RAPGEF1: variants seen among roughly 807,000 people sequenced by gnomAD.
The protein encoded by RAPGEF1 is CRK SH3-binding GNRP.
In RAPGEF1, 33 loss-of-function variants were observed where a neutral mutation model predicts 143.3. The observed-to-expected ratio is 0.23, with a 90% CI of 0.17 to 0.31. The LOEUF is 0.31. Ranked by LOEUF, RAPGEF1 falls within the 10% of genes least tolerant of loss-of-function variation. The probability of loss-of-function intolerance (pLI) is 1.00; values close to 1 mark genes in which losing one functional copy is unlikely to be tolerated. For synonymous variants in RAPGEF1, 629 were observed against 676.5 expected, an observed-to-expected ratio of 0.93 and a Z score of 1.09; for missense variants, 1,199 against 1,645.4, an observed-to-expected ratio of 0.73 and a Z score of 4.69.
rs1962996869 is a variant in RAPGEF1 at position 131,626,247 on chromosome 9, T to C, written c.1377A>G (p.Gly459=). ...CTGTCTGCTGCCCTGGGGCCAGAGGTCCGTCTGGCTGGGGATGGCCGCCAA... is the reference window on the plus strand; with the variant it reads ...CTGTCTGCTGCCCTGGGGCCAGAGGCCCGTCTGGCTGGGGATGGCCGCCAA... ...LPLGGHPQPD[G]PLAPGQQTDT... Residue 459 remains glycine, a synonymous_variant, in exon 10 of 27, where the codon GGA becomes GGG. Transcript: ENST00000683357. 1 of 1,613,568 alleles carries C rather than the reference T, an allele frequency of 6.2e-7. No individual in the cohort carries two copies. Among genetic ancestry groups the C allele is most frequent in the Non-Finnish European group, 8.5e-7 (1 of 1,179,774 alleles).
intron 9 of RAPGEF1, among the ~76,000 whole-genome samples, chr9:131,627,454 C>T (rs1362133098): frequency 6.6e-6 from 1 of 152,130 alleles, no homozygotes; most frequent in African/African-American, 2.4e-5. Context: ...CGAACAGCTT[C>T]CTGCTCTCTA....
At position 131,584,282 on chromosome 9, in the gene RAPGEF1, C is replaced by G. The variant is rs1475775557; in HGVS notation, c.3414+29G>C. ...CTGGGCGGCCCCCCTTACCAGCCACCCTCCCGCCCACGCCCCAAGGCCACT... is the reference window on the plus strand; with the variant it reads ...CTGGGCGGCCCCCCTTACCAGCCACGCTCCCGCCCACGCCCCAAGGCCACT... On this transcript the variant is annotated intron_variant, in intron 24 of 26. Transcript: ENST00000683357. This position sits in a 1 kb window ranked among gnomAD's most constrained non-coding sequence, Gnocchi z 6.8. 8.9e-6 allele frequency: 14 copies of G among 1,573,022 alleles called. No homozygotes were observed. The highest frequency in any genetic ancestry group is 1.0e-5 in the Non-Finnish European group (12 of 1,155,128).
rs371182529 is a variant in RAPGEF1 at position 131,650,840 on chromosome 9, G to T, written c.171C>A (p.Ser57=). The T allele has an allele frequency of 6.2e-7, 1 of 1,613,922 alleles. No individual in the cohort carries two copies. Among genetic ancestry groups the T allele is most frequent in the South Asian group, 1.1e-5 (1 of 91,072 alleles). The change falls in exon 2 of 27, where the codon TCC becomes TCA. Residue 57 remains serine (S), a synonymous_variant. Transcript: ENST00000683357. This position sits in a 1 kb window ranked among gnomAD's most constrained non-coding sequence, Gnocchi z 4.7. ...TCACAGGCTTCTCTGGAATCTTTACGGACACCTCAGCTGGTTTTCCCTTCT... is the reference window on the plus strand; with the variant it reads ...TCACAGGCTTCTCTGGAATCTTTACTGACACCTCAGCTGGTTTTCCCTTCT... ...PSKKGKPAEV[S]VKIPEKPVNK...
chr9:131,592,209 G>C (rs751185711), intron 17 of RAPGEF1, 26 bp from the exon 18 acceptor site: 1 of 1,550,568 alleles, frequency 6.4e-7, no homozygotes, highest in Admixed American at 1.7e-5. Context: ...AATGCAAACT[G>C]CTTGTCTGGG....
intron 1 of RAPGEF1, among the ~76,000 whole-genome samples, chr9:131,724,520 G>A (rs968936947): frequency 1.3e-5 from 2 of 152,066 alleles, no homozygotes; most frequent in Admixed American, 6.5e-5. Flanking sequence ...GCGTGAACCC[G>A]GGAGGCGGAG....
At chr9:131,636,086 A>G (rs1966303284) in intron 5 of RAPGEF1, among the ~76,000 whole-genome samples, 3 of 152,126 alleles carry the variant, frequency 2.0e-5, no homozygotes, top group Non-Finnish European at 4.4e-5. Context: ...GACCACCCTG[A>G]GAAAGGAAGG....
intron 13 of RAPGEF1, among the ~76,000 whole-genome samples, chr9:131,604,416 A>G (rs1956773100): frequency 6.6e-6 from 1 of 152,188 alleles, no homozygotes; most frequent in Admixed American, 6.5e-5. Flanking sequence ...TGTCTGCTCC[A>G]ATCTGCAAGG....
intron 1 of RAPGEF1, among the ~76,000 whole-genome samples, chr9:131,706,513 G>T (rs576663083): frequency 6.6e-6 from 1 of 152,030 alleles, no homozygotes; most frequent in Admixed American, 6.6e-5. Context: ...CAAGTGATCC[G>T]CCTGCCTCGG....
Position 131,709,501 on chromosome 9 carries a change from C to G in RAPGEF1, c.61+30269G>C. The G allele has an allele frequency of 6.1e-6, 5 of 823,752 alleles. No individual in the cohort carries two copies. The South Asian group carries it at 8.2e-5, about 14-fold the overall frequency. 51.0% of individuals were successfully genotyped at this position (823,752 alleles called of 1,614,324 possible). On this transcript the variant is annotated intron_variant, in intron 1 of 26. Coordinates refer to ENST00000683357, the MANE Select transcript of RAPGEF1 (RefSeq NM_001377935.1). ...TTTTCTTGAAATCATGTTGGACTACCTGTGCTTTCTGCTCTGGAAGGTGAT... is the reference window on the plus strand; with the variant it reads ...TTTTCTTGAAATCATGTTGGACTACGTGTGCTTTCTGCTCTGGAAGGTGAT...
chr9:131,721,520 C>G (rs1018283009), intron 1 of RAPGEF1, among the ~76,000 whole-genome samples: 15 of 152,320 alleles, frequency 9.8e-5, no homozygotes, highest in African/African-American at 3.4e-4. Flanking sequence ...TCCATGAGGG[C>G]AGGAGACCTG....
At chr9:131,644,149 G>A (rs1968865025) in intron 3 of RAPGEF1, among the ~76,000 whole-genome samples, 1 of 152,152 alleles carries the variant, frequency 6.6e-6, no homozygotes, top group African/African-American at 2.4e-5. Flanking sequence ...GAGAGAAAGG[G>A]AAAATACAGA....
intron 22 of RAPGEF1, among the ~76,000 whole-genome samples, chr9:131,586,191 G>A (rs1433261627): frequency 1.3e-5 from 2 of 149,540 alleles, no homozygotes; most frequent in Non-Finnish European, 3.0e-5. Flanking sequence ...GCCAGACTCC[G>A]TCTCAAACAC....
intron 5 of RAPGEF1, among the ~76,000 whole-genome samples, chr9:131,633,450 C>A (rs1175782118): frequency 6.6e-6 from 1 of 152,142 alleles, no homozygotes. Flanking sequence ...ACAAGCAGGG[C>A]AAAAGGAACA....
chr9:131,587,197 CCTGCAGAGCGAGACTCCGTCTCAA>C, intron 22 of RAPGEF1, among the ~76,000 whole-genome samples: 3 of 133,906 alleles, frequency 2.2e-5, no homozygotes, highest in Non-Finnish European at 3.2e-5. Flanking sequence ...CACACACACA[CCTGCAGAGCGAGACTCCGTCTCAA>C]ACACACACAC....
intron 1 of RAPGEF1, among the ~76,000 whole-genome samples, chr9:131,657,088 CT>C (rs1972674409): frequency 1.3e-5 from 2 of 152,248 alleles, no homozygotes; most frequent in Non-Finnish European, 2.9e-5. Context: ...GCAGCACAGG[CT>C]TCAGGTGATT....
chr9:131,649,200 A>ATTTTTTTTTTTT (rs55813422), intron 3 of RAPGEF1, among the ~76,000 whole-genome samples: 4 of 87,236 alleles, frequency 4.6e-5, no homozygotes, highest in Non-Finnish European at 6.3e-5. Context: ...GCCTGGCTAA[A>ATTTTTTTTTTTT]TTTTTTTTTT....
rs10690802 is a variant in RAPGEF1, at chr9:131,627,213, C to CAAAAAAAAAAAAAAAAAAAAAAAAA, written c.1201+675_1201+699dup. Among the ~76,000 whole-genome samples the CAAAAAAAAAAAAAAAAAAAAAAAAA allele has an allele frequency of 5.1e-5, 5 of 97,406 alleles. 1 individual carries two copies. Among genetic ancestry groups the CAAAAAAAAAAAAAAAAAAAAAAAAA allele is most frequent in the East Asian group, 7.6e-4 (2 of 2,618 alleles). The allele number at this position is 97,406 out of a possible 152,430, so 63.9% of individuals were successfully genotyped here. On this transcript the variant is annotated intron_variant, in intron 9 of 26. Transcript: ENST00000683357. The stretch of plus-strand genomic sequence containing the variant: ...TGGGTGACAGAGTGAGGCTCTGTCT[C>CAAAAAAAAAAAAAAAAAAAAAAAAA]AAAAAAAAAAAAAAAAAAAAAAAAA...
chr9:131,589,936 G>A lies in RAPGEF1; in HGVS notation c.2817C>T (p.Arg939=). The A allele has an allele frequency of 4.3e-6, 7 of 1,613,876 alleles. No homozygotes were observed. Among genetic ancestry groups the A allele is most frequent in the Admixed American group, 1.7e-5 (1 of 60,020 alleles). Reference sequence around the variant, plus strand: ...GCACGAAGAACGTGTTCTTGCTGACGCGCTTCTTGAATGTGTCGGCAAAGG... The same window carrying A: ...GCACGAAGAACGTGTTCTTGCTGACACGCTTCTTGAATGTGTCGGCAAAGG... ...FSPFADTFKK[R]VSKNTFFVLV... is the part of the protein sequence containing the mutation. Residue 939 remains arginine (R), a synonymous_variant, in exon 19 of 27, where the codon CGC becomes CGT. Coordinates refer to ENST00000683357, the MANE Select transcript of RAPGEF1 (RefSeq NM_001377935.1).
intron 4 of RAPGEF1, among the ~76,000 whole-genome samples, chr9:131,642,050 G>A (rs1968162811): frequency 6.6e-6 from 1 of 152,150 alleles, no homozygotes; most frequent in African/African-American, 2.4e-5. Flanking sequence ...TCCTGAACAG[G>A]TACCATGGAA....
Sources: gnomAD v4.1 joint callset for allele counts (sites outside exome capture counted in the v4.1 genomes callset) on GRCh38, gnomAD v4.1.1 for gene constraint, Gnocchi (gnomAD v3.1) non-coding constraint, MANE v1.5 for transcripts, NCBI Gene and HGNC (gene_info 2026-07-23, HGNC 2026-07-21) for gene names.